RNF152: variants seen among roughly 807,000 people sequenced by gnomAD.
The protein encoded by RNF152 is ring finger protein 152.
In RNF152, 11 loss-of-function variants were observed where a neutral mutation model predicts 12.7. The observed-to-expected ratio is 0.86, with a 90% confidence interval of 0.54 to 1.43. The LOEUF is 1.43. Among genes scored for constraint, RNF152 ranks in the 40% most tolerant of loss-of-function variants. RNF152 has a pLI of 0.00. For missense variants in RNF152, 255 were observed against 274.8 expected, an observed-to-expected ratio of 0.93 and a Z score of 0.51; for synonymous variants, 113 against 120.3, an observed-to-expected ratio of 0.94 and a Z score of 0.40.
Position 61,828,705 on chromosome 18 carries a change from G to A in RNF152, c.-135-12107C>T, listed in dbSNP as rs560554503. 7.2e-5 allele frequency among the ~76,000 whole-genome samples: 11 copies of A among 152,208 alleles called. 2 individuals carry two copies. In the South Asian group the frequency reaches 2.3e-3, roughly 32 times the overall value. On this transcript the variant is annotated intron_variant, in intron 1 of 1. Transcript: ENST00000312828. ...AAGTTTTTCATCCAACTTCTTATTCGTATTTCCCAGAGAAAGCCATAGAGT... is the reference window on the plus strand; with the variant it reads ...AAGTTTTTCATCCAACTTCTTATTCATATTTCCCAGAGAAAGCCATAGAGT...
rs1309639138 is a variant in RNF152 at position 61,892,952 on chromosome 18, GC to G, written c.-294del. The stretch of plus-strand genomic sequence containing the variant: ...AATACATGCAGGAAGGGTTAGATAC[GC>G]GCCGCGGAGAAGGAAATCCAAGCGC... On this transcript the variant is annotated 5_prime_UTR_variant, in exon 1 of 2. Coordinates refer to ENST00000312828, the MANE Select transcript of RNF152 (RefSeq NM_173557.3). The G allele has an allele frequency of 6.6e-6, 1 of 152,356 alleles. No individual in the cohort carries two copies. The highest frequency in any genetic ancestry group is 1.5e-5 in the Non-Finnish European group (1 of 68,188). 9.4% of individuals were successfully genotyped at this position (152,356 alleles called of 1,614,324 possible).
chr18:61,825,387 G>T (rs1909611593), intron 1 of RNF152, among the ~76,000 whole-genome samples: 1 of 152,208 alleles, frequency 6.6e-6, no homozygotes, highest in Admixed American at 6.5e-5. Context: ...GCCTGTCAGA[G>T]CCAGAAAGGA....
intron 1 of RNF152, chr18:61,888,982 T>A (rs570217532): frequency 6.6e-6 from 1 of 152,336 alleles, no homozygotes; most frequent in East Asian, 1.9e-4. Context: ...GCTTCCCAAA[T>A]ATAGTTCAAG....
chr18:61,883,261 G>C (rs900641280), intron 1 of RNF152, among the ~76,000 whole-genome samples: 1 of 152,184 alleles, frequency 6.6e-6, no homozygotes, highest in Admixed American at 6.5e-5. Context: ...TTTACTGAGT[G>C]TCTACTGTGT....
chr18:61,825,546 G>A (rs574342055), intron 1 of RNF152, among the ~76,000 whole-genome samples: 1 of 152,286 alleles, frequency 6.6e-6, no homozygotes, highest in African/African-American at 2.4e-5. Flanking sequence ...CATACAGGGA[G>A]ACTCCAACCA....
chr18:61,866,428 C>T (rs1033039624), intron 1 of RNF152, among the ~76,000 whole-genome samples: 5 of 140,220 alleles, frequency 3.6e-5, no homozygotes, highest in African/African-American at 8.1e-5. Flanking sequence ...TGAGAATCTG[C>T]GAGGACAAGA....
At chr18:61,883,838 C>T (rs1442528041) in intron 1 of RNF152, among the ~76,000 whole-genome samples, 2 of 152,196 alleles carry the variant, frequency 1.3e-5, no homozygotes, top group Non-Finnish European at 1.5e-5. Context: ...CCTCCAGTTG[C>T]TTCCAGCTTT....
At chr18:61,848,206 G>A (rs1641284328) in intron 1 of RNF152, among the ~76,000 whole-genome samples, 1 of 152,106 alleles carries the variant, frequency 6.6e-6, no homozygotes, top group East Asian at 1.9e-4. Flanking sequence ...TGAGGTAGCA[G>A]GAAGAGCGGG....
chr18:61,881,782 C>T (rs1014519282), intron 1 of RNF152, among the ~76,000 whole-genome samples: 11 of 152,070 alleles, frequency 7.2e-5, no homozygotes, highest in African/African-American at 1.2e-4. Flanking sequence ...AGCATCTCCA[C>T]GCACAAGTTC....
At chr18:61,820,310 CAGAG>C (rs1909328356) in intron 1 of RNF152, among the ~76,000 whole-genome samples, 1 of 102,686 alleles carries the variant, frequency 9.7e-6, no homozygotes, top group South Asian at 3.4e-4. Context: ...GCCTGGGTGA[CAGAG>C]AGAGACTCCG....
chr18:61,815,731 C>G lies in RNF152; in HGVS notation c.*121G>C. 1 of 1,151,786 alleles carries G rather than the reference C, an allele frequency of 8.7e-7. No individual in the cohort carries two copies. Among genetic ancestry groups the G allele is most frequent in the East Asian group, 2.4e-5 (1 of 42,084 alleles). The allele number at this position is 1,151,786 out of a possible 1,614,324, so 71.3% of individuals were successfully genotyped here. On this transcript the variant is annotated 3_prime_UTR_variant, in exon 2 of 2. Coordinates refer to ENST00000312828, the MANE Select transcript of RNF152 (RefSeq NM_173557.3). ...TGTCTTGGGGTAATCAAGAGGCAAC[C>G]CAGAGGCCAGCGCTCAGCACCAAAT...
chr18:61,847,677 G>A (rs1019201969), intron 1 of RNF152, among the ~76,000 whole-genome samples: 1 of 152,158 alleles, frequency 6.6e-6, no homozygotes, highest in Admixed American at 6.5e-5. Flanking sequence ...ATGCGTTTGA[G>A]ATCATTCCTC....
chr18:61,828,223 T>C (rs181892113), intron 1 of RNF152, among the ~76,000 whole-genome samples: 91 of 149,086 alleles, frequency 6.1e-4, no homozygotes, highest in African/African-American at 2.2e-3. Flanking sequence ...TTCAGAGAAT[T>C]TGAGTTTGCG....
chr18:61,836,286 G>C (rs1036113490), intron 1 of RNF152, among the ~76,000 whole-genome samples: 1 of 151,998 alleles, frequency 6.6e-6, no homozygotes, highest in Non-Finnish European at 1.5e-5. Flanking sequence ...CAGTGGAGTG[G>C]CCAAATTTGG....
Position 61,815,554 on chromosome 18 carries a change from T to C in RNF152, c.*298A>G. On this transcript the variant is annotated 3_prime_UTR_variant, in exon 2 of 2. Coordinates refer to ENST00000312828, the MANE Select transcript of RNF152 (RefSeq NM_173557.3). ...TTAACGTCTAAGTAGAATATGTCTATCTTGTAACATGATTTTGAAAAATCA... is the reference window on the plus strand; with the variant it reads ...TTAACGTCTAAGTAGAATATGTCTACCTTGTAACATGATTTTGAAAAATCA... The C allele has an allele frequency of 5.6e-6, 2 of 356,780 alleles. No homozygotes were observed. Among genetic ancestry groups the C allele is most frequent in the Non-Finnish European group, 1.0e-5 (2 of 192,500 alleles). The allele number at this position is 356,780 out of a possible 1,614,324, so 22.1% of individuals were successfully genotyped here. A position where few individuals can be genotyped will look rare whatever the true frequency, so the allele number is the denominator to read the frequency against.
chr18:61,893,116 C>G (rs1258188425), upstream of RNF152: 1 of 152,252 alleles, frequency 6.6e-6, no homozygotes, highest in African/African-American at 2.4e-5. Context: ...CCTCCCCCCT[C>G]CTCCGCAGTC....
At chr18:61,825,728 G>T (rs939039957) in intron 1 of RNF152, among the ~76,000 whole-genome samples, 1 of 152,186 alleles carries the variant, frequency 6.6e-6, no homozygotes, top group African/African-American at 2.4e-5. Context: ...GGAGAGCAAA[G>T]GTCTCTCTCT....
intron 1 of RNF152, among the ~76,000 whole-genome samples, chr18:61,843,789 T>C (rs1169109798): frequency 6.6e-6 from 1 of 152,098 alleles, no homozygotes; most frequent in African/African-American, 2.4e-5. Context: ...AGAATCATGG[T>C]TGCCAGGGAA....
intron 1 of RNF152, among the ~76,000 whole-genome samples, chr18:61,834,712 A>G (rs1218419830): frequency 6.6e-6 from 1 of 152,216 alleles, no homozygotes; most frequent in Non-Finnish European, 1.5e-5. Flanking sequence ...TCTGGCTACC[A>G]GTATTTGCAG....
Sources: allele counts gnomAD v4.1 joint callset (sites outside exome capture counted in the v4.1 genomes callset), GRCh38; gene constraint gnomAD v4.1.1; transcripts MANE v1.5; gene names NCBI Gene and HGNC (gene_info 2026-07-23, HGNC 2026-07-21).